ERICH1: variants seen among roughly 807,000 people sequenced by gnomAD.
ERICH1 encodes the protein glutamate rich 1.
Under a neutral mutation model 39.6 loss-of-function variants are expected in ERICH1, and 56 were observed. The ratio of observed to expected loss-of-function variants is 1.41; its 90% confidence interval spans 1.14 to 1.77. The LOEUF (loss-of-function observed/expected upper bound fraction) is 1.77, where lower values mean the gene tolerates loss of function less well. Ranked by LOEUF, ERICH1 falls within the 40% of genes most tolerant of loss-of-function variation. The probability of loss-of-function intolerance (pLI) is 0.00; values close to 1 mark genes in which losing one functional copy is unlikely to be tolerated. For synonymous variants in ERICH1, 313 were observed against 223.6 expected, an observed-to-expected ratio of 1.40 and a Z score of -3.57; for missense variants, 826 against 575.4, an observed-to-expected ratio of 1.44 and a Z score of -4.45.
exon 4 of ERICH1, chr8:614,908 C>T (rs1225001191): frequency 1.2e-5 from 3 of 254,988 alleles, no homozygotes; most frequent in Non-Finnish European, 1.5e-5. Flanking sequence ...AGTTGCATGA[C>T]ACCAAGGAGC....
Position 668,689 on chromosome 8 carries a change from C to G in ERICH1, c.1167G>C (p.Leu389=), listed in dbSNP as rs763695667. ...HSMLPSDVSI[L]YHMKTLLLLQ... Reference sequence around the variant, plus strand: ...GGAGCAGCAGCGTTTTCATGTGGTACAGGATGGACACGTCTGAGGGCAGCA... The same window carrying G: ...GGAGCAGCAGCGTTTTCATGTGGTAGAGGATGGACACGTCTGAGGGCAGCA... The change falls in exon 5 of 6, where the codon CTG becomes CTC. Residue 389 remains leucine, a synonymous_variant. Coordinates refer to ENST00000262109, the MANE Select transcript of ERICH1 (RefSeq NM_207332.3). 6.2e-7 allele frequency: 1 copy of G among 1,614,124 alleles called. No homozygotes were observed. The highest frequency in any genetic ancestry group is 1.1e-5 in the South Asian group (1 of 91,074).
chr8:698,487 G>C (rs1006140719), intron 2 of ERICH1, among the ~76,000 whole-genome samples: 4 of 151,878 alleles, frequency 2.6e-5, no homozygotes, highest in Non-Finnish European at 5.9e-5. Context: ...CTAAAGTGCT[G>C]GGATTACAGG....
At chr8:617,417 C>T (rs114231375) in intron 3 of ERICH1, among the ~76,000 whole-genome samples, 1,734 of 152,300 alleles carry the variant, frequency 0.011, 28 homozygotes, top group African/African-American at 0.04. Flanking sequence ...CTACTACCTG[C>T]GTGTTTATCC....
At chr8:653,473 C>A (rs940209771) in intron 3 of ERICH1, among the ~76,000 whole-genome samples, 7 of 152,188 alleles carry the variant, frequency 4.6e-5, no homozygotes, top group Non-Finnish European at 1.0e-4. Flanking sequence ...TGGAACCAAT[C>A]CAGCTGTTCT....
At chr8:681,336 A>T (rs1196221480) in intron 3 of ERICH1, among the ~76,000 whole-genome samples, 1 of 152,256 alleles carries the variant, frequency 6.6e-6, no homozygotes, top group Non-Finnish European at 1.5e-5. Context: ...CTCACGAGAA[A>T]AACAACATCC....
chr8:686,462 A>AC (rs1807413134), intron 3 of ERICH1, among the ~76,000 whole-genome samples: 1 of 151,620 alleles, frequency 6.6e-6, no homozygotes, highest in Non-Finnish European at 1.5e-5. Flanking sequence ...AAAAAAAAAA[A>AC]AAACAAAAAC....
intron 3 of ERICH1, among the ~76,000 whole-genome samples, chr8:630,093 G>A (rs1274315312): frequency 6.5e-4 from 76 of 116,554 alleles, no homozygotes; most frequent in Non-Finnish European, 1.1e-3. Flanking sequence ...CACACAGACA[G>A]AGCTGACTCA....
intron 3 of ERICH1, chr8:627,387 C>T (rs1405081766): frequency 1.1e-5 from 4 of 361,268 alleles, no homozygotes; most frequent in Admixed American, 3.4e-5. Context: ...CTGAGAGCCT[C>T]GACTTCACAT....
At chr8:721,714 C>T (rs73178870) in intron 1 of ERICH1, among the ~76,000 whole-genome samples, 21,864 of 152,244 alleles carry the variant, frequency 0.14, 1,991 homozygotes, top group Middle Eastern at 0.24. Flanking sequence ...TGTCTTCCAA[C>T]GGGCCAGCTC....
chr8:695,374 G>C (rs898324469), intron 2 of ERICH1, among the ~76,000 whole-genome samples: 4 of 151,988 alleles, frequency 2.6e-5, no homozygotes, highest in African/African-American at 9.7e-5. Context: ...ACAGGTACCT[G>C]CACACCATGA....
chr8:643,681 C>T (rs1725383153), intron 3 of ERICH1, among the ~76,000 whole-genome samples: 1 of 152,208 alleles, frequency 6.6e-6, no homozygotes, highest in Non-Finnish European at 1.5e-5. Flanking sequence ...GGGACAGCAT[C>T]TGGAATGTCA....
Position 642,709 on chromosome 8 carries a change from C to T in ERICH1, c.976+25889G>A, listed in dbSNP as rs116040706. 9.8e-3 allele frequency among the ~76,000 whole-genome samples: 1,493 copies of T among 152,154 alleles called. 24 individuals carry two copies. Among genetic ancestry groups the T allele is most frequent in the African/African-American group, 0.033 (1,371 of 41,482 alleles). On this transcript the variant is annotated intron_variant, in intron 3 of 3. Transcript: ENST00000522706. ...TGAGGTCTTCATCATCCCACAAACG[C>T]GTTGTTCCGCCTTGATCTTGTGAGG...
chr8:634,052 C>T (rs546409817), intron 3 of ERICH1, among the ~76,000 whole-genome samples: 3 of 151,750 alleles, frequency 2.0e-5, no homozygotes, highest in Non-Finnish European at 4.4e-5. Flanking sequence ...AAAAACATTT[C>T]GTCCATCAAA....
chr8:711,128 A>T (rs1814634530), intron 2 of ERICH1, among the ~76,000 whole-genome samples: 1 of 152,200 alleles, frequency 6.6e-6, no homozygotes, highest in South Asian at 2.1e-4. Context: ...ATCTTTACAT[A>T]GGATTATTTG....
chr8:673,900 T>C lies in ERICH1; in HGVS notation c.452A>G (p.His151Arg), dbSNP rs535759243. 1.2e-5 allele frequency: 19 copies of C among 1,613,610 alleles called. No homozygotes were observed. The East Asian group carries it at 2.7e-4, about 23-fold the overall frequency. ...TTTGCTTATTGTGGTGCCATCTGTG[T>C]GCTGTCGCTGAGATTTCTCCTGTAA... ...SLLQEKSQRQ[H>R]TDGTTISKNK... Residue 151 changes from histidine to arginine, a missense_variant, in exon 4 of 6, where the codon CAC (histidine) becomes CGC (arginine). Physicochemically the swap from His to Arg is conservative, Grantham distance 29 (BLOSUM62 0). Coordinates refer to ENST00000262109, the MANE Select transcript of ERICH1 (RefSeq NM_207332.3).
chr8:672,409 C>G (rs1434287232), intron 4 of ERICH1, among the ~76,000 whole-genome samples: 2 of 152,188 alleles, frequency 1.3e-5, no homozygotes, highest in Non-Finnish European at 2.9e-5. Context: ...AATGGTACTT[C>G]TGCATCTTTG....
Position 664,534 on chromosome 8 carries a change from A to C in ERICH1, c.*69T>G. ...TCAAGTTCCCAGAGAACTAACTCTA[A>C]GCCCATCTCACATTTGTCTTTTAAG... is the stretch of plus-strand genomic sequence containing the variant. On this transcript the variant is annotated 3_prime_UTR_variant, in exon 6 of 6. Coordinates refer to ENST00000262109, the MANE Select transcript of ERICH1 (RefSeq NM_207332.3). 1 of 1,556,278 alleles carries C rather than the reference A, an allele frequency of 6.4e-7. No homozygotes were observed. Among genetic ancestry groups the C allele is most frequent in the Non-Finnish European group, 8.7e-7 (1 of 1,152,974 alleles).
chr8:666,686 C>G (rs1410246984), intron 5 of ERICH1: 3 of 152,546 alleles, frequency 2.0e-5, no homozygotes, highest in African/African-American at 7.2e-5. Flanking sequence ...TGAGCCTCAG[C>G]TGGAACCTGA....
At chr8:666,841 C>G (rs1802332378) in intron 5 of ERICH1, 1 of 152,552 alleles carries the variant, frequency 6.6e-6, no homozygotes, top group Admixed American at 6.5e-5. Context: ...GCAGCTCCCA[C>G]TGGTTCTACC....
Sources: allele counts gnomAD v4.1 joint callset (sites outside exome capture counted in the v4.1 genomes callset), GRCh38; gene constraint gnomAD v4.1.1; transcripts MANE v1.5; gene names NCBI Gene and HGNC (gene_info 2026-07-23, HGNC 2026-07-21).